The following AMOT variants were observed in gnomAD, a reference collection of about 807,000 sequenced individuals.
AMOT encodes the protein angiomotin.
In AMOT, 11 loss-of-function variants were observed where a neutral mutation model predicts 67.0. The ratio of observed to expected loss-of-function variants is 0.16; its 90% confidence interval spans 0.10 to 0.27. The LOEUF is 0.27. AMOT is among the 10% of genes least tolerant of loss of function. The pLI is 1.00. For missense variants in AMOT, 753 were observed against 852.0 expected (o/e 0.88, Z 1.45); for synonymous variants, 326 against 321.4 (o/e 1.01, Z -0.15).
At position 112,778,308 on chromosome X, in the gene AMOT, A is replaced by C. The variant is rs1345769868; in HGVS notation, c.*259T>G. On this transcript the variant is annotated 3_prime_UTR_variant, in exon 14 of 14. Transcript: ENST00000371959. ...TGTATAGCCACCTGTTAACAGTCCCAGTATTCGTATAAATTCAAACAATAA... is the reference window on the plus strand; with the variant it reads ...TGTATAGCCACCTGTTAACAGTCCCCGTATTCGTATAAATTCAAACAATAA... 3 of 244,955 alleles carry C rather than the reference A, an allele frequency of 1.2e-5. No homozygotes were observed. Among genetic ancestry groups the C allele is most frequent in the Admixed American group, 1.2e-4 (2 of 16,325 alleles). The allele number at this position is 244,955 out of a possible 1,213,427, so 20.2% of individuals were successfully genotyped here.
intron 8 of AMOT, 46 bp downstream of exon 8, chrX:112,804,901 C>T: frequency 3.3e-6 from 3 of 919,995 alleles, no homozygotes; most frequent in East Asian, 3.8e-5. Flanking sequence ...CCCGATTTCC[C>T]AGCCCTCCCA....
At chrX:112,783,936 T>C (rs981374736) in intron 10 of AMOT, among the ~76,000 whole-genome samples, 2 of 110,825 alleles carry the variant, frequency 1.8e-5, no homozygotes, top group Non-Finnish European at 3.8e-5. Context: ...CTAGTGCAGA[T>C]GGGGATGAAG....
chrX:112,838,079 A>G (rs999014714), intron 1 of AMOT, among the ~76,000 whole-genome samples: 3 of 111,496 alleles, frequency 2.7e-5, no homozygotes, highest in Non-Finnish European at 3.8e-5. Flanking sequence ...CTCAGTCTCC[A>G]TGGAGGAGGC....
intron 5 of AMOT, among the ~76,000 whole-genome samples, chrX:112,811,800 T>C: frequency 8.9e-6 from 1 of 112,059 alleles, no homozygotes; most frequent in East Asian, 2.8e-4. Context: ...CAGTCTGCAC[T>C]GATTATCTGC....
In AMOT at chrX:112,832,809, GT is replaced by G. The variant is rs1935026084; in HGVS notation, c.-288-440del. 2.7e-5 allele frequency among the ~76,000 whole-genome samples: 3 copies of G among 111,918 alleles called. No individual in the cohort carries two copies. The South Asian group carries it at 1.1e-3, about 42-fold the overall frequency. ...GGGAGCCCCATCTGCCTTCAGTCTG[GT>G]TTTTGTGTCTGAGTGGGGCTCAGGT... On this transcript the variant is annotated intron_variant, in intron 1 of 13. Coordinates refer to ENST00000371959, the MANE Select transcript of AMOT (RefSeq NM_001113490.2).
chrX:112,805,757 G>A (rs1275677525), intron 7 of AMOT, among the ~76,000 whole-genome samples: 3 of 111,513 alleles, frequency 2.7e-5, no homozygotes, highest in African/African-American at 9.8e-5. Context: ...CACTAAAACT[G>A]GAAGCCATGT....
chrX:112,781,159 G>A (rs1314687517), intron 11 of AMOT, 41 bp from the exon 12 acceptor site: 1 of 1,153,917 alleles, frequency 8.7e-7, no homozygotes, highest in South Asian at 1.8e-5. Context: ...ACCTTGTTGT[G>A]GGCTGGGCGC....
At position 112,787,286 on chromosome X, in the gene AMOT, C is replaced by T. The variant is rs187286806; in HGVS notation, c.2117+3306G>A. 3.1e-4 allele frequency among the ~76,000 whole-genome samples: 35 copies of T among 111,317 alleles called. No homozygotes were observed. The South Asian group carries it at 6.5e-3, about 21-fold the overall frequency. On this transcript the variant is annotated intron_variant, in intron 10 of 13. Coordinates refer to ENST00000371959, the MANE Select transcript of AMOT (RefSeq NM_001113490.2). ...ATTCACAATGGCCAAAAACTGGAAA[C>T]GACCCCAATATGCATATATCCAAAT...
chrX:112,812,039 C>T (rs12389411), intron 5 of AMOT, among the ~76,000 whole-genome samples: 12,399 of 111,644 alleles, frequency 0.11, 732 homozygotes, highest in African/African-American at 0.21. Context: ...AGGGAGGTTT[C>T]AATCCAATCG....
rs1291617289 is a variant in AMOT at position 112,775,847 on chromosome X, C to T, written c.*2720G>A. ...TGGTCACCCTCCTTTCCTGAGGTGCCGGTAAAATGCACAGATAGGTAGGAG... is the reference window on the plus strand; with the variant it reads ...TGGTCACCCTCCTTTCCTGAGGTGCTGGTAAAATGCACAGATAGGTAGGAG... On this transcript the variant is annotated 3_prime_UTR_variant, in exon 14 of 14. Coordinates refer to ENST00000371959, the MANE Select transcript of AMOT (RefSeq NM_001113490.2). The T allele has an allele frequency of 2.7e-5, 3 of 111,490 alleles. No individual in the cohort carries two copies. Among genetic ancestry groups the T allele is most frequent in the South Asian group, 3.8e-4 (1 of 2,639 alleles). 9.2% of individuals were successfully genotyped at this position (111,490 alleles called of 1,213,427 possible).
chrX:112,837,872 A>G (rs1458751849), intron 1 of AMOT, among the ~76,000 whole-genome samples: 2 of 111,835 alleles, frequency 1.8e-5, no homozygotes, highest in African/African-American at 6.5e-5. Context: ...CACTAAACCT[A>G]CTGAATCCAT....
At chrX:112,785,118 T>A (rs1395246706) in intron 10 of AMOT, among the ~76,000 whole-genome samples, 1 of 111,879 alleles carries the variant, frequency 8.9e-6, no homozygotes, top group East Asian at 2.8e-4. Flanking sequence ...CTTGACCTGC[T>A]ACCTTCCAAT....
intron 8 of AMOT, among the ~76,000 whole-genome samples, chrX:112,792,708 T>C (rs1933654277): frequency 8.9e-6 from 1 of 111,880 alleles, no homozygotes; most frequent in Admixed American, 9.5e-5. Context: ...TGAGCCTGAA[T>C]TGGAGACCCT....
chrX:112,820,343 A>C (rs1934680915), intron 4 of AMOT, among the ~76,000 whole-genome samples: 1 of 111,478 alleles, frequency 9.0e-6, no homozygotes, highest in East Asian at 2.8e-4. Flanking sequence ...GAGGATAAAA[A>C]ATATGTATCT....
intron 8 of AMOT, among the ~76,000 whole-genome samples, chrX:112,799,306 A>T (rs965038183): frequency 8.9e-6 from 1 of 112,266 alleles, no homozygotes; most frequent in Non-Finnish European, 1.9e-5. Flanking sequence ...CAAACAAGAA[A>T]ATACAGATCA....
chrX:112,796,220 T>A (rs1933811131), intron 8 of AMOT, among the ~76,000 whole-genome samples: 1 of 112,006 alleles, frequency 8.9e-6, no homozygotes, highest in African/African-American at 3.2e-5. Context: ...ACAAAAGTTT[T>A]GCTTTAGTTT....
At position 112,776,848 on chromosome X, in the gene AMOT, T is replaced by G. The variant is rs763044039; in HGVS notation, c.*1719A>C. 2.9e-4 allele frequency: 32 copies of G among 111,847 alleles called. No individual in the cohort carries two copies. Among genetic ancestry groups the G allele is most frequent in the Non-Finnish European group, 5.5e-4 (29 of 53,113 alleles). The allele number at this position is 111,847 out of a possible 1,213,427, so 9.2% of individuals were successfully genotyped here. A position where few individuals can be genotyped will look rare whatever the true frequency, so the allele number is the denominator to read the frequency against. On this transcript the variant is annotated 3_prime_UTR_variant, in exon 14 of 14. Coordinates refer to ENST00000371959, the MANE Select transcript of AMOT (RefSeq NM_001113490.2). Reference sequence around the variant, plus strand: ...CCAGGTACATTTTACAAGATACATATTCCCTGGACCATGAAGATGCCTTTT... The same window carrying G: ...CCAGGTACATTTTACAAGATACATAGTCCCTGGACCATGAAGATGCCTTTT...
chrX:112,798,701 G>C (rs1933915079), intron 8 of AMOT, among the ~76,000 whole-genome samples: 1 of 112,060 alleles, frequency 8.9e-6, no homozygotes, highest in Non-Finnish European at 1.9e-5. Context: ...TATTCACTTT[G>C]GCCCAGTCAA....
At chrX:112,819,058 T>C (rs1387278674) in intron 4 of AMOT, among the ~76,000 whole-genome samples, 1 of 110,111 alleles carries the variant, frequency 9.1e-6, no homozygotes, top group Non-Finnish European at 1.9e-5. Context: ...AGCTGGGAAG[T>C]GGGGTAGGGT....
Sources: gnomAD v4.1 joint callset for allele counts (sites outside exome capture counted in the v4.1 genomes callset) on GRCh38, gnomAD v4.1.1 for gene constraint, MANE v1.5 for transcripts, NCBI Gene and HGNC (gene_info 2026-07-23, HGNC 2026-07-21) for gene names.